CAMK2D: variants seen among roughly 807,000 people sequenced by gnomAD.
CAMK2D encodes the protein calcium/calmodulin-dependent protein kinase type II subunit delta.
Under a neutral mutation model 84.0 loss-of-function variants are expected in CAMK2D, and 37 were observed. The observed-to-expected ratio is 0.44, with a 90% CI of 0.34 to 0.58. The LOEUF (loss-of-function observed/expected upper bound fraction) is 0.58, where lower values mean the gene tolerates loss of function less well. Ranked by LOEUF, CAMK2D falls within the 20% of genes least tolerant of loss-of-function variation. The probability of loss-of-function intolerance (pLI) is 0.02; values close to 1 mark genes in which losing one functional copy is unlikely to be tolerated. For synonymous variants in CAMK2D, 202 were observed against 212.5 expected (o/e 0.95, Z 0.43); for missense variants, 448 against 652.5 (o/e 0.69, Z 3.41).
chr4:113,460,350 A>C (rs546711734), intron 17 of CAMK2D, 109 bp from the exon 18 acceptor site: 4 of 727,120 alleles, frequency 5.5e-6, no homozygotes, highest in African/African-American at 3.6e-5. Context: ...AAGAGCCTCT[A>C]AAAACACTTA....
chr4:113,705,399 T>C (rs1056967894), intron 2 of CAMK2D, among the ~76,000 whole-genome samples: 3 of 151,294 alleles, frequency 2.0e-5, no homozygotes, highest in Admixed American at 2.0e-4. Context: ...TTTAGATGCC[T>C]CAGGTTCTCT....
At chr4:113,641,405 T>C (rs768940374) in intron 3 of CAMK2D, among the ~76,000 whole-genome samples, 1 of 152,230 alleles carries the variant, frequency 6.6e-6, no homozygotes, top group Non-Finnish European at 1.5e-5. Flanking sequence ...AAACACTTGA[T>C]ATAATATTTA....
At chr4:113,665,567 T>G (rs1034365246) in intron 2 of CAMK2D, among the ~76,000 whole-genome samples, 2 of 152,228 alleles carry the variant, frequency 1.3e-5, no homozygotes, top group African/African-American at 4.8e-5. Context: ...TAAAGACAGA[T>G]TATAAAAGGC....
chr4:113,609,411 T>A (rs1484208115), intron 3 of CAMK2D, among the ~76,000 whole-genome samples: 1 of 152,170 alleles, frequency 6.6e-6, no homozygotes, highest in African/African-American at 2.4e-5. Flanking sequence ...AACTGGTAAC[T>A]ATGTGATCTT....
Position 113,615,769 on chromosome 4 carries a change from A to G in CAMK2D, c.221-6563T>C, listed in dbSNP as rs556642700. Among the ~76,000 whole-genome samples the G allele has an allele frequency of 7.2e-5, 11 of 152,256 alleles. No homozygotes were observed. The Middle Eastern group carries it at 0.014, about 188-fold the overall frequency. On this transcript the variant is annotated intron_variant, in intron 3 of 20. Transcript: ENST00000511664. ...AATTTTTATGTTGTTATTAAGGTCA[A>G]GAGTCCTACATAGCATTTATACTTT...
At chr4:113,502,062 T>C (rs2098055413) in intron 15 of CAMK2D, among the ~76,000 whole-genome samples, 1 of 152,142 alleles carries the variant, frequency 6.6e-6, no homozygotes, top group Non-Finnish European at 1.5e-5. Flanking sequence ...ACATCATTGA[T>C]AAGAGTATGG....
At chr4:113,726,965 C>T (rs993955588) in intron 2 of CAMK2D, among the ~76,000 whole-genome samples, 2 of 152,118 alleles carry the variant, frequency 1.3e-5, no homozygotes, top group East Asian at 1.9e-4. Flanking sequence ...TAACACCAAA[C>T]GCATATTTTC....
At chr4:113,721,965 A>G (rs1263751469) in intron 2 of CAMK2D, among the ~76,000 whole-genome samples, 3 of 152,030 alleles carry the variant, frequency 2.0e-5, no homozygotes, top group African/African-American at 7.2e-5. Flanking sequence ...CCTTTCCCCT[A>G]CTAAGTTAGG....
At chr4:113,570,751 TA>T (rs2098749246) in intron 4 of CAMK2D, among the ~76,000 whole-genome samples, 2 of 152,132 alleles carry the variant, frequency 1.3e-5, no homozygotes, top group Non-Finnish European at 2.9e-5. Context: ...AATGAATTTT[TA>T]AATATGACAC....
intron 3 of CAMK2D, among the ~76,000 whole-genome samples, chr4:113,640,592 T>C (rs998423375): frequency 6.6e-6 from 1 of 152,136 alleles, no homozygotes; most frequent in African/African-American, 2.4e-5. Flanking sequence ...CATTCAACTA[T>C]AGAGAGACAT....
intron 4 of CAMK2D, among the ~76,000 whole-genome samples, chr4:113,573,196 A>G (rs573682195): frequency 6.6e-6 from 1 of 152,326 alleles, no homozygotes; most frequent in Non-Finnish European, 1.5e-5. Flanking sequence ...ACCTAAAATA[A>G]AAATGGAAAG....
rs77989276 is a variant in CAMK2D, at chr4:113,624,303, T to C, written c.221-15097A>G. 7.3e-3 allele frequency among the ~76,000 whole-genome samples: 1,116 copies of C among 152,328 alleles called. 20 individuals are homozygous for C. The highest frequency in any genetic ancestry group is 0.025 in the African/African-American group (1,041 of 41,580). On this transcript the variant is annotated intron_variant, in intron 3 of 20. Coordinates refer to ENST00000511664, the MANE Select transcript of CAMK2D (RefSeq NM_001321571.2). ...ATGTACCATGGAAAGATGTCTTGAA[T>C]ATAACTTCTACAAAAAATAAGCAAG...
intron 2 of CAMK2D, among the ~76,000 whole-genome samples, chr4:113,744,533 T>C (rs1348811514): frequency 6.6e-6 from 1 of 152,010 alleles, no homozygotes; most frequent in African/African-American, 2.4e-5. Flanking sequence ...CCTCTTTTCA[T>C]CCATTAAAAT....
At chr4:113,596,568 C>T (rs892280350) in intron 4 of CAMK2D, among the ~76,000 whole-genome samples, 3 of 152,114 alleles carry the variant, frequency 2.0e-5, no homozygotes, top group East Asian at 3.8e-4. Context: ...ATGTTGGGTT[C>T]GTAGGCATGA....
intron 2 of CAMK2D, among the ~76,000 whole-genome samples, chr4:113,664,897 G>C (rs777029121): frequency 6.6e-6 from 1 of 150,756 alleles, no homozygotes; most frequent in African/African-American, 2.4e-5. Context: ...TCCACCCCCC[G>C]GGTTCAAGCA....
intron 3 of CAMK2D, among the ~76,000 whole-genome samples, chr4:113,632,523 T>C (rs10034607): frequency 0.091 from 13,859 of 151,572 alleles, 1,905 homozygotes; most frequent in African/African-American, 0.3. Context: ...ACGCCCGGCC[T>C]GTGTGTGTGT....
chr4:113,473,775 ATAAT>A (rs1233148430), intron 16 of CAMK2D, among the ~76,000 whole-genome samples: 1 of 152,216 alleles, frequency 6.6e-6, no homozygotes, highest in Non-Finnish European at 1.5e-5. Context: ...CTAATAATAA[ATAAT>A]TAACAAATCT....
chr4:113,675,851 C>A (rs2154330351), intron 2 of CAMK2D, among the ~76,000 whole-genome samples: 1 of 152,314 alleles, frequency 6.6e-6, no homozygotes, highest in South Asian at 2.1e-4. Context: ...TTCACAGCTA[C>A]CACTTGTCTT....
At position 113,761,158 on chromosome 4, in the gene CAMK2D, G is replaced by C; in HGVS notation, c.-90C>G. 6.2e-7 allele frequency: 1 copy of C among 1,601,990 alleles called. No homozygotes were observed. Among genetic ancestry groups the C allele is most frequent in the South Asian group, 1.1e-5 (1 of 90,854 alleles). ...ACCCCGGGACTGGCCCCGCGGCGCTGTCACCCAGGGCCGCTCTTACTTTCC... is the reference window on the plus strand; with the variant it reads ...ACCCCGGGACTGGCCCCGCGGCGCTCTCACCCAGGGCCGCTCTTACTTTCC... On this transcript the variant is annotated 5_prime_UTR_variant, in exon 1 of 21. Transcript: ENST00000511664.
Sources: gnomAD v4.1 joint callset for allele counts (sites outside exome capture counted in the v4.1 genomes callset) on GRCh38, gnomAD v4.1.1 for gene constraint, MANE v1.5 for transcripts, NCBI Gene and HGNC (gene_info 2026-07-23, HGNC 2026-07-21) for gene names.